The following TENM3 variants were observed in gnomAD, a reference collection of about 807,000 sequenced individuals.
The protein encoded by TENM3 is teneurin-3.
In TENM3, 63 loss-of-function variants were observed where a neutral mutation model predicts 255.1. The ratio of observed to expected loss-of-function variants is 0.25; its 90% CI spans 0.20 to 0.30. The LOEUF (loss-of-function observed/expected upper bound fraction) is 0.30, where lower values mean the gene tolerates loss of function less well. Ranked by LOEUF, TENM3 falls within the 10% of genes least tolerant of loss-of-function variation. The probability of loss-of-function intolerance (pLI) is 1.00; values close to 1 mark genes in which losing one functional copy is unlikely to be tolerated. For missense variants in TENM3, 2,929 were observed against 3,461.1 expected, an observed-to-expected ratio of 0.85 and a Z score of 3.86; for synonymous variants, 1,306 against 1,322.3, an observed-to-expected ratio of 0.99 and a Z score of 0.27.
intron 26 of TENM3, among the ~76,000 whole-genome samples, chr4:182,794,301 GCTAA>G (rs970896424): frequency 8.5e-5 from 13 of 152,128 alleles, no homozygotes; most frequent in African/African-American, 3.1e-4. Context: ...GATAATAATG[GCTAA>G]CTTAGGGCAC....
chr4:181,916,377 C>T, the TENM3 span, among the ~76,000 whole-genome samples: 56 of 152,224 alleles, frequency 3.7e-4, no homozygotes, highest in African/African-American at 1.2e-3. Flanking sequence ...GCAGGAACTA[C>T]GTAAAACCGG....
At chr4:182,321,648 T>A (rs536208666) in intron 1 of TENM3, among the ~76,000 whole-genome samples, 2 of 146,066 alleles carry the variant, frequency 1.4e-5, no homozygotes. Flanking sequence ...ATAATAATAA[T>A]AAAATAACTT....
chr4:181,787,982 G>A, the TENM3 span, among the ~76,000 whole-genome samples: 1 of 152,070 alleles, frequency 6.6e-6, no homozygotes, highest in African/African-American at 2.4e-5. Context: ...GAGACCTTGT[G>A]TCAAAAATCA....
chr4:182,801,020 A>AT lies in TENM3; in HGVS notation c.*674dup, dbSNP rs577987143. 5 of 152,766 alleles carry AT rather than the reference A, an allele frequency of 3.3e-5. No homozygotes were observed. Among genetic ancestry groups the AT allele is most frequent in the Admixed American group, 3.3e-4 (5 of 15,300 alleles). 9.5% of individuals were successfully genotyped at this position (152,766 alleles called of 1,614,324 possible). ...ATTATGTGAGACAAGTTGTTTATGG[A>AT]TTTTTATATGAATTACAATTTACTG... is the stretch of plus-strand genomic sequence containing the variant. On this transcript the variant is annotated 3_prime_UTR_variant, in exon 28 of 28. Transcript: ENST00000511685.
the TENM3 span, among the ~76,000 whole-genome samples, chr4:182,120,446 T>C: frequency 6.6e-6 from 1 of 152,006 alleles, no homozygotes; most frequent in East Asian, 1.9e-4. Flanking sequence ...TGTACCTACA[T>C]ATATATGTGT....
At chr4:182,478,155 T>C (rs936969537) in intron 3 of TENM3, among the ~76,000 whole-genome samples, 1 of 152,120 alleles carries the variant, frequency 6.6e-6, no homozygotes, top group Non-Finnish European at 1.5e-5. Flanking sequence ...AAAATAACTT[T>C]TGTAATTGAG....
chr4:182,135,234 T>G, the TENM3 span, among the ~76,000 whole-genome samples: 1 of 135,396 alleles, frequency 7.4e-6, no homozygotes, highest in Non-Finnish European at 1.6e-5. Context: ...AAAAAAAAAT[T>G]CCAAAAATGA....
chr4:181,512,122 G>C, the TENM3 span, among the ~76,000 whole-genome samples: 4 of 152,122 alleles, frequency 2.6e-5, no homozygotes, highest in Non-Finnish European at 5.9e-5. Flanking sequence ...CAACATCCCA[G>C]ATAGGCCAAG....
At chr4:181,993,799 A>ATT in the TENM3 span, among the ~76,000 whole-genome samples, 1 of 152,142 alleles carries the variant, frequency 6.6e-6, no homozygotes, top group African/African-American at 2.4e-5. Context: ...AAGAAAAATA[A>ATT]TTATATATAT....
chr4:182,431,591 G>C (rs766445345), intron 3 of TENM3, among the ~76,000 whole-genome samples: 9 of 152,174 alleles, frequency 5.9e-5, no homozygotes, highest in Admixed American at 5.2e-4. Context: ...CGTAGGACTT[G>C]GAGGAAAGAC....
intron 3 of TENM3, among the ~76,000 whole-genome samples, chr4:182,491,716 A>C (rs1735316643): frequency 6.6e-6 from 1 of 152,158 alleles, no homozygotes; most frequent in African/African-American, 2.4e-5. Context: ...ACTAGCTTTA[A>C]ACTGTTCACC....
At chr4:182,612,555 TTAAA>T (rs1474933763) in intron 4 of TENM3, among the ~76,000 whole-genome samples, 1 of 152,210 alleles carries the variant, frequency 6.6e-6, no homozygotes, top group Non-Finnish European at 1.5e-5. Context: ...TGATATGTAA[TTAAA>T]TAGAGTTTGA....
At chr4:181,718,997 G>C in the TENM3 span, among the ~76,000 whole-genome samples, 1 of 151,884 alleles carries the variant, frequency 6.6e-6, no homozygotes, top group East Asian at 1.9e-4. Flanking sequence ...ATGAGGTCAG[G>C]AGATCGAGAC....
intron 3 of TENM3, among the ~76,000 whole-genome samples, chr4:182,392,662 T>C (rs1032807381): frequency 6.7e-6 from 1 of 149,760 alleles, no homozygotes; most frequent in Non-Finnish European, 1.5e-5. Context: ...CCTAGGGGAA[T>C]GCCTCCACGT....
chr4:182,180,807 T>C (rs1752793975), intron 1 of TENM3, among the ~76,000 whole-genome samples: 2 of 152,008 alleles, frequency 1.3e-5, no homozygotes, highest in Admixed American at 1.3e-4. Flanking sequence ...TCATTTTTTT[T>C]CAGAAGTACC....
rs981781084 is a variant in TENM3, at chr4:182,346,956, G to A, written c.511+27G>A. The A allele has an allele frequency of 7.1e-6, 11 of 1,538,904 alleles. No individual in the cohort carries two copies. The Admixed American group carries it at 9.1e-5, about 13-fold the overall frequency. On this transcript the variant is annotated intron_variant, in intron 3 of 27. Coordinates refer to ENST00000511685, the MANE Select transcript of TENM3 (RefSeq NM_001080477.4). ...TAAGTTTCCTTTTTGGCTTTATAAT[G>A]TTGGCATTCAGTGCTTCTGTCTGTT...
chr4:182,796,879 T>TTCCCTAAAACAGTCAAAAA, intron 27 of TENM3, 112 bp downstream of exon 27: 1 of 860,502 alleles, frequency 1.2e-6, no homozygotes. Context: ...TTTAACTTTT[T>TTCCCTAAAACAGTCAAAAA]GACTGTTTTA....
the TENM3 span, among the ~76,000 whole-genome samples, chr4:182,003,905 AT>A: frequency 2.0e-5 from 3 of 152,024 alleles, no homozygotes; most frequent in Non-Finnish European, 2.9e-5. Flanking sequence ...TAGCTAATTC[AT>A]TCATGAATGC....
chr4:182,731,728 T>TGC, intron 16 of TENM3, among the ~76,000 whole-genome samples: 1 of 150,208 alleles, frequency 6.7e-6, no homozygotes, highest in East Asian at 1.9e-4. Flanking sequence ...TGTGTGTGTG[T>TGC]GTGTGTGTGT....
Sources: allele counts gnomAD v4.1 joint callset (sites outside exome capture counted in the v4.1 genomes callset), GRCh38; gene constraint gnomAD v4.1.1; transcripts MANE v1.5; gene names NCBI Gene and HGNC (gene_info 2026-07-23, HGNC 2026-07-21).